The following INPP4B variants were observed in gnomAD, a reference collection of about 807,000 sequenced individuals.
INPP4B encodes the protein inositol polyphosphate 4-phosphatase type II.
A neutral mutation model predicts 122.5 loss-of-function variants in INPP4B; 55 were observed. The ratio of observed to expected loss-of-function variants is 0.45; its 90% confidence interval spans 0.36 to 0.56. INPP4B has a LOEUF of 0.56. INPP4B is among the 20% of genes least tolerant of loss of function. The probability of loss-of-function intolerance (pLI) is 0.00; values close to 1 mark genes in which losing one functional copy is unlikely to be tolerated. For synonymous variants in INPP4B, 403 were observed against 388.7 expected, an observed-to-expected ratio of 1.04 and a Z score of -0.43; for missense variants, 1,000 against 1,097.7, an observed-to-expected ratio of 0.91 and a Z score of 1.26.
intron 1 of INPP4B, among the ~76,000 whole-genome samples, chr4:142,784,501 A>T (rs1209222908): frequency 6.6e-6 from 1 of 152,106 alleles, no homozygotes; most frequent in Non-Finnish European, 1.5e-5. Flanking sequence ...ACAGGCAAAT[A>T]CATAGAGTCA....
intron 1 of INPP4B, among the ~76,000 whole-genome samples, chr4:142,794,419 G>T (rs982185417): frequency 4.0e-5 from 6 of 151,860 alleles, no homozygotes; most frequent in African/African-American, 9.7e-5. Context: ...AGTAAAAGAG[G>T]CTGAGACAAA....
intron 12 of INPP4B, among the ~76,000 whole-genome samples, chr4:142,223,429 G>A (rs1850217100): frequency 6.6e-6 from 1 of 152,078 alleles, no homozygotes; most frequent in Non-Finnish European, 1.5e-5. Flanking sequence ...CTGTACTTTT[G>A]TCATTTCCAT....
intron 21 of INPP4B, among the ~76,000 whole-genome samples, chr4:142,115,804 T>C (rs547307268): frequency 5.3e-5 from 8 of 152,106 alleles, no homozygotes; most frequent in Admixed American, 2.6e-4. Context: ...CAAATTCACA[T>C]GTAACAATAT....
At chr4:142,271,075 T>C (rs1287140095) in intron 9 of INPP4B, among the ~76,000 whole-genome samples, 3 of 151,996 alleles carry the variant, frequency 2.0e-5, no homozygotes, top group Admixed American at 6.6e-5. Flanking sequence ...GAGATTCTTC[T>C]GCCTCAGCCT....
At chr4:142,153,184 T>C (rs976399819) in intron 17 of INPP4B, among the ~76,000 whole-genome samples, 12 of 152,230 alleles carry the variant, frequency 7.9e-5, no homozygotes, top group Non-Finnish European at 1.3e-4. Flanking sequence ...AATTGGATGT[T>C]ATCTGCACAC....
chr4:142,743,942 T>A (rs759971036), intron 1 of INPP4B, among the ~76,000 whole-genome samples: 1 of 151,816 alleles, frequency 6.6e-6, no homozygotes, highest in South Asian at 2.1e-4. Context: ...TGACACATAG[T>A]AAAGAATAAG....
intron 18 of INPP4B, among the ~76,000 whole-genome samples, chr4:142,133,932 A>T (rs1003942163): frequency 6.6e-6 from 1 of 152,138 alleles, no homozygotes; most frequent in Non-Finnish European, 1.5e-5. Flanking sequence ...ACAACATTAC[A>T]TCAAAACCCT....
intron 1 of INPP4B, among the ~76,000 whole-genome samples, chr4:142,737,307 A>G (rs1767099115): frequency 6.6e-6 from 1 of 152,276 alleles, no homozygotes; most frequent in East Asian, 1.9e-4. Context: ...AAATAATGCC[A>G]CATATCTACA....
intron 2 of INPP4B, among the ~76,000 whole-genome samples, chr4:142,718,905 T>G (rs1764147556): frequency 1.3e-5 from 2 of 152,190 alleles, no homozygotes; most frequent in Non-Finnish European, 2.9e-5. Flanking sequence ...AGTATGAAAG[T>G]ACATATTCCC....
intron 2 of INPP4B, among the ~76,000 whole-genome samples, chr4:142,485,973 G>A (rs748866887): frequency 7.2e-5 from 11 of 152,044 alleles, no homozygotes; most frequent in Non-Finnish European, 1.5e-4. Context: ...AGTGCAGGTA[G>A]ATGTTACATA....
intron 2 of INPP4B, among the ~76,000 whole-genome samples, chr4:142,554,086 G>A: frequency 6.6e-6 from 1 of 151,710 alleles, no homozygotes; most frequent in Non-Finnish European, 1.5e-5. Context: ...CTACTCTGGA[G>A]GGTGAGGCAG....
At chr4:142,653,979 A>C (rs993163733) in intron 2 of INPP4B, among the ~76,000 whole-genome samples, 48 of 152,314 alleles carry the variant, frequency 3.2e-4, no homozygotes, top group African/African-American at 1.1e-3. Flanking sequence ...CCAAATGTCC[A>C]ACAATGATAG....
intron 2 of INPP4B, among the ~76,000 whole-genome samples, chr4:142,716,520 T>A (rs140097631): frequency 1.2e-3 from 190 of 152,308 alleles, no homozygotes; most frequent in African/African-American, 4.5e-3. Context: ...CTGCCATAAG[T>A]CAACATCCTG....
intron 23 of INPP4B, among the ~76,000 whole-genome samples, chr4:142,096,828 G>A (rs1459822832): frequency 2.0e-5 from 3 of 152,116 alleles, no homozygotes; most frequent in Non-Finnish European, 4.4e-5. Flanking sequence ...CACTGCAGAA[G>A]CCATTAGACA....
intron 2 of INPP4B, among the ~76,000 whole-genome samples, chr4:142,596,951 G>A (rs1041007656): frequency 3.3e-5 from 5 of 152,210 alleles, no homozygotes. Flanking sequence ...TGTCATCTCA[G>A]TTACCCTCAA....
chr4:142,801,458 G>A (rs1178639700), intron 1 of INPP4B, among the ~76,000 whole-genome samples: 25 of 152,168 alleles, frequency 1.6e-4, no homozygotes, highest in Non-Finnish European at 1.5e-5. Context: ...AGGGTTGCAC[G>A]TGCACAGAAG....
intron 3 of INPP4B, among the ~76,000 whole-genome samples, chr4:142,453,883 C>T (rs1814831437): frequency 6.6e-6 from 1 of 152,064 alleles, no homozygotes; most frequent in Non-Finnish European, 1.5e-5. Flanking sequence ...AGCTCCAGGC[C>T]ATTGTTCCAC....
In INPP4B at chr4:142,245,864, GTA is replaced by G. The variant is rs1561598543; in HGVS notation, c.689-7855_689-7854del. On this transcript the variant is annotated intron_variant, in intron 11 of 25. Transcript: ENST00000262992. ...TATATGTGTATGTATACATATATGTGTATGTATACATATATATGTGTATGTAT... is the reference window on the plus strand; with the variant it reads ...TATATGTGTATGTATACATATATGTGTGTATACATATATATGTGTATGTAT... Among the ~76,000 whole-genome samples the G allele has an allele frequency of 6.2e-5, 2 of 32,394 alleles. 1 individual carries two copies. The highest frequency in any genetic ancestry group is 1.7e-4 in the Non-Finnish European group (2 of 11,994). 21.3% of individuals were successfully genotyped at this position (32,394 alleles called of 152,430 possible). A position where few individuals can be genotyped will look rare whatever the true frequency, so the allele number is the denominator to read the frequency against.
intron 23 of INPP4B, chr4:142,096,254 A>C (rs1344759304): frequency 6.6e-6 from 1 of 152,196 alleles, no homozygotes; most frequent in Non-Finnish European, 1.5e-5. Context: ...GAAAATAATG[A>C]AGAAAATGTA....
Sources: gnomAD v4.1 joint callset for allele counts (sites outside exome capture counted in the v4.1 genomes callset) on GRCh38, gnomAD v4.1.1 for gene constraint, MANE v1.5 for transcripts, NCBI Gene and HGNC (gene_info 2026-07-23, HGNC 2026-07-21) for gene names.